The following OSBPL10 variants were observed in gnomAD, a reference collection of about 807,000 sequenced individuals.
The protein encoded by OSBPL10 is oxysterol binding protein like 10.
Under a neutral mutation model 81.7 loss-of-function variants are expected in OSBPL10, and 49 were observed. The observed-to-expected ratio is 0.60, with a 90% CI of 0.48 to 0.76. The LOEUF is 0.76. Among genes scored for constraint, OSBPL10 ranks in the 30% least tolerant of loss-of-function variants. The probability of loss-of-function intolerance (pLI) is 0.00; values close to 1 mark genes in which losing one functional copy is unlikely to be tolerated. For synonymous variants in OSBPL10, 419 were observed against 383.6 expected, an observed-to-expected ratio of 1.09 and a Z score of -1.08; for missense variants, 923 against 987.8, an observed-to-expected ratio of 0.93 and a Z score of 0.88.
chr3:32,047,162 A>G (rs898737843), intron 1 of OSBPL10, among the ~76,000 whole-genome samples: 1 of 152,124 alleles, frequency 6.6e-6, no homozygotes, highest in Non-Finnish European at 1.5e-5. Flanking sequence ...TTCTTTGTAG[A>G]GACAGGGTTT....
chr3:32,070,214 G>A (rs1361829507), intron 1 of OSBPL10, among the ~76,000 whole-genome samples: 2 of 152,046 alleles, frequency 1.3e-5, no homozygotes, highest in Non-Finnish European at 2.9e-5. Context: ...TCTTTTCAAG[G>A]GCCTGTTTTC....
Position 31,668,803 on chromosome 3 carries a change from G to C in OSBPL10, c.1935C>G (p.His645Gln). The change falls in exon 10 of 12, where the codon CAC becomes CAG. Residue 645 changes from histidine to glutamine, a missense_variant. This residue lies in a region of OSBPL10 where 387 missense variants were observed against 436.3 expected (regional missense o/e 0.89). Coordinates refer to ENST00000396556, the MANE Select transcript of OSBPL10 (RefSeq NM_017784.5). ...TACAAACAATGGTGTTGGTTGGGTT[G>C]TGCTTCACTTCTGCGGTAACCCTGA... The part of the protein sequence containing the change: ...KVHRVTAEVK[H>Q]NPTNTIVCKA... The C allele has an allele frequency of 6.2e-7, 1 of 1,611,340 alleles. No individual in the cohort carries two copies. The highest frequency in any genetic ancestry group is 2.2e-5 in the East Asian group (1 of 44,848).
intron 1 of OSBPL10, among the ~76,000 whole-genome samples, chr3:31,949,550 C>T (rs796172613): frequency 2.0e-5 from 3 of 151,598 alleles, no homozygotes; most frequent in African/African-American, 7.3e-5. Context: ...CACCTGTAGT[C>T]CCAGCTACTT....
intron 3 of OSBPL10, among the ~76,000 whole-genome samples, chr3:31,873,088 ACCTG>A (rs1701372078): frequency 1.3e-5 from 2 of 152,118 alleles, no homozygotes; most frequent in African/African-American, 2.4e-5. Flanking sequence ...TAACGAGGGA[ACCTG>A]CTGGCAGGGC....
chr3:31,930,166 AT>A lies in OSBPL10; in HGVS notation c.282-50337del, dbSNP rs200571809. Among the ~76,000 whole-genome samples, 925 of 151,080 alleles carry A rather than the reference AT, an allele frequency of 6.1e-3. 8 individuals are homozygous for A. The highest frequency in any genetic ancestry group is 0.02 in the African/African-American group (825 of 41,138). The stretch of plus-strand genomic sequence containing the variant: ...AGACCTCAGATCTCAAAAAAAAAAA[AT>A]TTTTTTTTAATTAAAAAACAGTTCA... On this transcript the variant is annotated intron_variant, in intron 1 of 11. Transcript: ENST00000396556.
chr3:31,817,067 G>C (rs1699854992), intron 4 of OSBPL10, among the ~76,000 whole-genome samples: 1 of 152,178 alleles, frequency 6.6e-6, no homozygotes, highest in South Asian at 2.1e-4. Context: ...GCTGAGCCCA[G>C]GGCTTTTATG....
At chr3:31,726,831 T>TGTA in intron 6 of OSBPL10, among the ~76,000 whole-genome samples, 1 of 149,616 alleles carries the variant, frequency 6.7e-6, no homozygotes, top group African/African-American at 2.5e-5. Flanking sequence ...TGTGCAAAAA[T>TGTA]TTATTATTAT....
chr3:31,917,185 A>G (rs985791065), intron 1 of OSBPL10, among the ~76,000 whole-genome samples: 1 of 152,222 alleles, frequency 6.6e-6, no homozygotes, highest in Non-Finnish European at 1.5e-5. Context: ...GCCCCACACA[A>G]GAAATTACAC....
intron 4 of OSBPL10, among the ~76,000 whole-genome samples, chr3:31,814,779 T>A (rs965593746): frequency 1.3e-5 from 2 of 152,098 alleles, no homozygotes; most frequent in African/African-American, 2.4e-5. Context: ...TAATAGAGGA[T>A]CCAAACCATG....
chr3:31,968,379 T>C (rs1288944433), intron 1 of OSBPL10, among the ~76,000 whole-genome samples: 1 of 151,762 alleles, frequency 6.6e-6, no homozygotes, highest in East Asian at 1.9e-4. Flanking sequence ...AAAATACCAA[T>C]AACACTACAA....
intron 3 of OSBPL10, among the ~76,000 whole-genome samples, chr3:31,833,231 G>A (rs997590967): frequency 7.9e-5 from 12 of 152,222 alleles, no homozygotes; most frequent in African/African-American, 2.9e-4. Flanking sequence ...TTTTCCCTGG[G>A]CTTTGAAGCC....
At position 31,783,146 on chromosome 3, in the gene OSBPL10, T is replaced by TATATATATATATACACAC. The variant is rs1485968747; in HGVS notation, c.730-35027_730-35026insGTGTGTATATATATATAT. 1.4e-3 allele frequency among the ~76,000 whole-genome samples: 160 copies of TATATATATATATACACAC among 112,712 alleles called. 1 individual carries two copies. Among genetic ancestry groups the TATATATATATATACACAC allele is most frequent in the Admixed American group, 2.2e-3 (24 of 11,050 alleles). The allele number at this position is 112,712 out of a possible 152,430, so 73.9% of individuals were successfully genotyped here. A position where few individuals can be genotyped will look rare whatever the true frequency, so the allele number is the denominator to read the frequency against. ...ATATATATATATATATATATATATATACACACACACCATAGAATACTACTC... is the reference window on the plus strand; with the variant it reads ...ATATATATATATATATATATATATATATATATATATATACACACACACACACACCATAGAATACTACTC... On this transcript the variant is annotated intron_variant, in intron 4 of 11. Coordinates refer to ENST00000396556, the MANE Select transcript of OSBPL10 (RefSeq NM_017784.5).
intron 1 of OSBPL10, among the ~76,000 whole-genome samples, chr3:32,061,228 T>A (rs62244430): frequency 0.61 from 54,582 of 89,800 alleles, 23,576 homozygotes; most frequent in East Asian, 0.84. Flanking sequence ...CACCTTATTG[T>A]AACTCTTTGT....
rs146209752 is a variant in OSBPL10, at chr3:31,879,164, A to T, written c.457+491T>A. On this transcript the variant is annotated intron_variant, in intron 2 of 11. Coordinates refer to ENST00000396556, the MANE Select transcript of OSBPL10 (RefSeq NM_017784.5). ...AGAAGGGAAGAAAGCATACAAAGGG[A>T]CATTAACTCCATTCCAGTTGGCTTC... Among the ~76,000 whole-genome samples the T allele has an allele frequency of 4.2e-3, 636 of 152,278 alleles. 23 individuals are homozygous for T. In the East Asian group the frequency reaches 0.1, roughly 24 times the overall value.
At chr3:32,031,462 ATT>A (rs758906495) in intron 2 of OSBPL10, among the ~76,000 whole-genome samples, 15,207 of 149,176 alleles carry the variant, frequency 0.1, 768 homozygotes, top group African/African-American at 0.11. Flanking sequence ...TTCTTAAATA[ATT>A]TTTTTTTTTT....
At chr3:31,746,799 A>T (rs1697537199) in intron 5 of OSBPL10, among the ~76,000 whole-genome samples, 1 of 148,230 alleles carries the variant, frequency 6.7e-6, no homozygotes, top group African/African-American at 2.5e-5. Flanking sequence ...CAGGAAGGGG[A>T]ACATCACACT....
At chr3:31,802,734 C>T (rs773410747) in intron 4 of OSBPL10, among the ~76,000 whole-genome samples, 8 of 151,992 alleles carry the variant, frequency 5.3e-5, no homozygotes, top group Non-Finnish European at 1.2e-4. Flanking sequence ...GGCCAAGTTC[C>T]TGCAAACGGA....
intron 1 of OSBPL10, among the ~76,000 whole-genome samples, chr3:31,965,880 A>G (rs1698379924): frequency 9.9e-6 from 1 of 100,546 alleles, no homozygotes; most frequent in African/African-American, 4.9e-5. Flanking sequence ...ATTATATAAA[A>G]TAGATAACAT....
At chr3:31,720,462 G>A (rs1453919715) in intron 6 of OSBPL10, among the ~76,000 whole-genome samples, 1 of 152,200 alleles carries the variant, frequency 6.6e-6, no homozygotes, top group African/African-American at 2.4e-5. Flanking sequence ...GTCCAGCTGA[G>A]CTGACTGCTT....
Sources: gnomAD v4.1 joint callset for allele counts (sites outside exome capture counted in the v4.1 genomes callset) on GRCh38, gnomAD v4.1.1 for gene constraint, gnomAD v4.1.1 regional missense constraint, MANE v1.5 for transcripts, NCBI Gene and HGNC (gene_info 2026-07-23, HGNC 2026-07-21) for gene names.